Variants in ARHGEF10 observed in about 807,000 individuals in gnomAD.
ARHGEF10 encodes the protein Rho guanine nucleotide exchange factor 10, also known as Rho guanine nucleotide exchange factor (GEF) 10.
In ARHGEF10, 140 loss-of-function variants were observed where a neutral mutation model predicts 147.4. The observed-to-expected ratio is 0.95, with a 90% CI of 0.83 to 1.09. The LOEUF (loss-of-function observed/expected upper bound fraction) is 1.09. ARHGEF10 is among the 50% of genes least tolerant of loss of function. The pLI is 0.00. For synonymous variants in ARHGEF10, 902 were observed against 695.8 expected, an observed-to-expected ratio of 1.30 and a Z score of -4.67; for missense variants, 2,222 against 1,752.7, an observed-to-expected ratio of 1.27 and a Z score of -4.78.
intron 24 of ARHGEF10, among the ~76,000 whole-genome samples, chr8:1,928,986 C>T (rs1182123261): frequency 1.3e-5 from 2 of 152,188 alleles, no homozygotes; most frequent in African/African-American, 4.8e-5. Context: ...TATTCTATGT[C>T]ATGATCATAC....
At chr8:1,844,165 A>G (rs912782623) in intron 2 of ARHGEF10, among the ~76,000 whole-genome samples, 2 of 151,914 alleles carry the variant, frequency 1.3e-5, no homozygotes, top group Non-Finnish European at 2.9e-5. Context: ...GAGGTCACGG[A>G]ATTAACTGTG....
Position 1,896,385 on chromosome 8 carries a change from G to A in ARHGEF10, c.1493G>A (p.Ser498Asn), listed in dbSNP as rs1462242691. Residue 498 changes from serine to asparagine, a missense_variant, in exon 14 of 29, where the codon AGC becomes AAC. By Grantham distance (46) the Ser-to-Asn change is conservative (BLOSUM62 1). Coordinates refer to ENST00000349830, the MANE Select transcript of ARHGEF10 (RefSeq NM_014629.4). ...DAYSEYVNNFSTAVAVLKKTC... is the reference protein window; with the variant it reads ...DAYSEYVNNFNTAVAVLKKTC... Reference sequence around the variant, plus strand: ...TACAGTGAATATGTGAACAATTTCAGCACAGCCGTGGCAGTCCTCAAGAAA... The same window carrying A: ...TACAGTGAATATGTGAACAATTTCAACACAGCCGTGGCAGTCCTCAAGAAA... The A allele has an allele frequency of 1.2e-6, 2 of 1,614,018 alleles. No homozygotes were observed. Among genetic ancestry groups the A allele is most frequent in the East Asian group, 2.2e-5 (1 of 44,856 alleles).
At position 1,957,121 on chromosome 8, in the gene ARHGEF10, C is replaced by T. The variant is rs1815642756; in HGVS notation, c.3893C>T (p.Ala1298Val). ...TCGCTGAGAAGCAAAGCACGCCGGG[C>T]CAAGAAAGCCAAGGCCAGCTCGGCG... ...PVSLRSKARR[A>V]KKAKASSALV... The change falls in exon 29 of 29, where the codon GCC becomes GTC. Residue 1298 changes from alanine (A) to valine (V), a missense_variant. By Grantham distance (64) the Ala-to-Val change is moderately conservative. Coordinates refer to ENST00000349830, the MANE Select transcript of ARHGEF10 (RefSeq NM_014629.4). 1.2e-6 allele frequency: 2 copies of T among 1,612,908 alleles called. No homozygotes were observed. Among genetic ancestry groups the T allele is most frequent in the Non-Finnish European group, 8.5e-7 (1 of 1,180,040 alleles).
chr8:1,953,679 T>C (rs1171094447), intron 28 of ARHGEF10, among the ~76,000 whole-genome samples: 2 of 152,158 alleles, frequency 1.3e-5, no homozygotes, highest in African/African-American at 4.8e-5. Flanking sequence ...TAATGACGGA[T>C]TGGGCCATTT....
At position 1,905,723 on chromosome 8, in the gene ARHGEF10, G is replaced by A. The variant is rs1810838517; in HGVS notation, c.1967+7G>A. On this transcript the variant is annotated splice_region_variant and intron_variant, in intron 17 of 28. Coordinates refer to ENST00000349830, the MANE Select transcript of ARHGEF10 (RefSeq NM_014629.4). The stretch of plus-strand genomic sequence containing the variant: ...GTGCCACCGTCAGCTCACGGTAAGT[G>A]CATAAATTCTCTATAGTAGTCCTAC... 4 of 1,613,108 alleles carry A rather than the reference G, an allele frequency of 2.5e-6. No homozygotes were observed. Among genetic ancestry groups the A allele is most frequent in the East Asian group, 2.2e-5 (1 of 44,888 alleles).
At chr8:1,893,537 T>G in intron 11 of ARHGEF10, 32 bp from the exon 12 acceptor site, 8 of 1,483,628 alleles carry the variant, frequency 5.4e-6, no homozygotes, top group Non-Finnish European at 7.5e-6. Context: ...ATAAAGCAGT[T>G]TTCTATCATT....
chr8:1,843,456 G>T lies in ARHGEF10; in HGVS notation c.37+20G>T, dbSNP rs767502412. 6.3e-7 allele frequency: 1 copy of T among 1,597,448 alleles called. No homozygotes were observed. Among genetic ancestry groups the T allele is most frequent in the South Asian group, 1.1e-5 (1 of 90,486 alleles). ...CTGCAGGTAACAGCACTCAGTAGGT[G>T]GGCCTGTGGGTCAGGTTGTGCTGCT... On this transcript the variant is annotated intron_variant, in intron 2 of 28. Transcript: ENST00000349830.
intron 1 of ARHGEF10, among the ~76,000 whole-genome samples, chr8:1,839,213 G>C (rs1427307354): frequency 6.8e-6 from 1 of 146,992 alleles, no homozygotes; most frequent in African/African-American, 2.6e-5. Flanking sequence ...TTTTGTGTGG[G>C]GACTGCCTGG....
chr8:1,945,892 G>A, intron 27 of ARHGEF10: 1 of 713,710 alleles, frequency 1.4e-6, no homozygotes, highest in Non-Finnish European at 2.4e-6. Context: ...CGTGCTGGGA[G>A]GAGCCGCGTG....
At chr8:1,928,373 T>C in intron 23 of ARHGEF10, 54 bp from the exon 24 acceptor site, 1 of 1,565,676 alleles carries the variant, frequency 6.4e-7, no homozygotes, top group Non-Finnish European at 8.8e-7. Flanking sequence ...TCCAGCGTAT[T>C]ATGGAAGCCG....
At chr8:1,934,342 A>C (rs1340561940) in intron 26 of ARHGEF10, among the ~76,000 whole-genome samples, 1 of 127,640 alleles carries the variant, frequency 7.8e-6, no homozygotes, top group Non-Finnish European at 1.6e-5. Flanking sequence ...TGACAGAACA[A>C]GACCCTGTCT....
chr8:1,840,249 A>ACTGTCCGGTGTGGAAT (rs1803913543), intron 1 of ARHGEF10, among the ~76,000 whole-genome samples: 1 of 127,470 alleles, frequency 7.8e-6, no homozygotes, highest in Non-Finnish European at 1.6e-5. Flanking sequence ...TGGTGTGGGG[A>ACTGTCCGGTGTGGAAT]CTGTCCGGTG....
At chr8:1,880,220 A>T (rs1313460789) in intron 9 of ARHGEF10, 56 bp downstream of exon 9, 10 of 1,272,660 alleles carry the variant, frequency 7.9e-6, no homozygotes, top group Middle Eastern at 4.6e-4. Flanking sequence ...GTAAAGAAAA[A>T]CCGCGCGGCT....
intron 2 of ARHGEF10, among the ~76,000 whole-genome samples, chr8:1,845,671 C>T (rs988692226): frequency 1.2e-4 from 19 of 152,176 alleles, no homozygotes; most frequent in African/African-American, 3.9e-4. Context: ...TTGCTGACGT[C>T]GTCATCAGTC....
chr8:1,954,275 G>C (rs1242329434), intron 28 of ARHGEF10, among the ~76,000 whole-genome samples: 1 of 152,010 alleles, frequency 6.6e-6, no homozygotes, highest in Non-Finnish European at 1.5e-5. Context: ...TGTATTTTTA[G>C]TAGAGGTGGG....
chr8:1,926,815 C>T, intron 23 of ARHGEF10: 1 of 338,660 alleles, frequency 3.0e-6, no homozygotes, highest in Non-Finnish European at 5.6e-6. Context: ...TGGCTTTTTC[C>T]AGTGGAAACT....
At chr8:1,857,916 A>G (rs893467067) in intron 2 of ARHGEF10, 44 bp from the exon 3 acceptor site, 12 of 1,420,734 alleles carry the variant, frequency 8.4e-6, no homozygotes, top group South Asian at 1.2e-5. Context: ...CTATCTATCT[A>G]TCTATCTATC....
intron 2 of ARHGEF10, among the ~76,000 whole-genome samples, chr8:1,849,307 G>A (rs185591261): frequency 7.3e-5 from 11 of 149,900 alleles, no homozygotes; most frequent in Non-Finnish European, 1.3e-4. Flanking sequence ...AAATGCCGAG[G>A]AGGGCATGGG....
At chr8:1,906,762 G>A (rs1374705758) in intron 17 of ARHGEF10, among the ~76,000 whole-genome samples, 1 of 152,222 alleles carries the variant, frequency 6.6e-6, no homozygotes, top group Non-Finnish European at 1.5e-5. Flanking sequence ...GCTCTTGCGG[G>A]TCTCTTCAGG....
Sources: allele counts gnomAD v4.1 joint callset (sites outside exome capture counted in the v4.1 genomes callset), GRCh38; gene constraint gnomAD v4.1.1; transcripts MANE v1.5; gene names NCBI Gene and HGNC (gene_info 2026-07-23, HGNC 2026-07-21).